Variants in BCAR3 observed in about 807,000 individuals in gnomAD.
The protein encoded by BCAR3 is breast cancer anti-estrogen resistance protein 3.
In BCAR3, 37 loss-of-function variants were observed where a neutral mutation model predicts 80.1. That is an observed-to-expected ratio of 0.46 (90% confidence interval 0.36 to 0.61). The LOEUF (loss-of-function observed/expected upper bound fraction) is 0.61, where lower values mean the gene tolerates loss of function less well. Among genes scored for constraint, BCAR3 ranks in the 20% least tolerant of loss-of-function variants. The probability of loss-of-function intolerance (pLI) is 0.00; values close to 1 mark genes in which losing one functional copy is unlikely to be tolerated. For synonymous variants in BCAR3, 389 were observed against 418.9 expected (o/e 0.93, Z 0.87); for missense variants, 978 against 1,068.2 (o/e 0.92, Z 1.18).
At chr1:93,748,001 C>G (rs1393839995) in intron 2 of BCAR3, among the ~76,000 whole-genome samples, 1 of 151,776 alleles carries the variant, frequency 6.6e-6, no homozygotes, top group Non-Finnish European at 1.5e-5. Flanking sequence ...TTGGAAGGCC[C>G]TCACCTTTAG....
chr1:93,797,968 G>A (rs565484587), intron 2 of BCAR3, among the ~76,000 whole-genome samples: 91 of 152,278 alleles, frequency 6.0e-4, no homozygotes, highest in African/African-American at 2.1e-3. Flanking sequence ...TGAAAGGGCC[G>A]GTGGGCAAAG....
chr1:93,582,849 G>T lies in BCAR3; in HGVS notation c.1138C>A (p.Arg380=). 1 of 1,613,106 alleles carries T rather than the reference G, an allele frequency of 6.2e-7. No homozygotes were observed. The change falls in exon 7 of 12, where the codon CGG becomes AGG. Residue 380 remains arginine (R), a synonymous_variant. Transcript: ENST00000260502. ...SEPALSPAVV[R]RVSSDARAGE... is the part of the protein sequence containing the mutation. Reference sequence around the variant, plus strand: ...GCCCTGGCGTCTGAGGAGACCCTCCGAACCACTGCTGGGCTCAGGGCAGGC... The same window carrying T: ...GCCCTGGCGTCTGAGGAGACCCTCCTAACCACTGCTGGGCTCAGGGCAGGC...
chr1:93,807,702 G>A (rs1471230817), intron 2 of BCAR3, among the ~76,000 whole-genome samples: 1 of 152,154 alleles, frequency 6.6e-6, no homozygotes, highest in Non-Finnish European at 1.5e-5. Flanking sequence ...TAGGGAAGGA[G>A]TCTTAAGACA....
intron 3 of BCAR3, among the ~76,000 whole-genome samples, chr1:93,627,471 T>A (rs1675486467): frequency 1.3e-5 from 2 of 152,206 alleles, no homozygotes; most frequent in Non-Finnish European, 2.9e-5. Context: ...CTGAACTGCA[T>A]ACCTGTGCAG....
chr1:93,585,920 A>G (rs770290020), intron 5 of BCAR3, among the ~76,000 whole-genome samples: 1 of 152,104 alleles, frequency 6.6e-6, no homozygotes, highest in Non-Finnish European at 1.5e-5. Context: ...TATATTTAAA[A>G]AATTTTGTGC....
intron 2 of BCAR3, among the ~76,000 whole-genome samples, chr1:93,671,944 T>C (rs1473439045): frequency 2.0e-5 from 3 of 152,228 alleles, no homozygotes; most frequent in Non-Finnish European, 4.4e-5. Flanking sequence ...GGTAGGACTT[T>C]ACGACCCTTT....
At chr1:93,662,650 G>T (rs370826811) in intron 2 of BCAR3, among the ~76,000 whole-genome samples, 123 of 152,034 alleles carry the variant, frequency 8.1e-4, no homozygotes, top group African/African-American at 2.9e-3. Flanking sequence ...CTCACCCCAC[G>T]GATAGCACCA....
chr1:93,700,706 G>A (rs534806218), intron 3 of BCAR3, among the ~76,000 whole-genome samples: 2 of 152,188 alleles, frequency 1.3e-5, no homozygotes, highest in Non-Finnish European at 2.9e-5. Flanking sequence ...CTGCAAGGCC[G>A]GCAAATATTT....
At chr1:93,711,757 T>G (rs1398737235) in intron 2 of BCAR3, among the ~76,000 whole-genome samples, 1 of 152,208 alleles carries the variant, frequency 6.6e-6, no homozygotes, top group Non-Finnish European at 1.5e-5. Context: ...ACATTTTACC[T>G]TTAGTTGTCC....
chr1:93,694,174 G>A (rs1263780027), intron 3 of BCAR3, among the ~76,000 whole-genome samples: 3 of 152,172 alleles, frequency 2.0e-5, no homozygotes, highest in African/African-American at 4.8e-5. Context: ...TGGAACTTCC[G>A]GTAAGGGATG....
intron 3 of BCAR3, among the ~76,000 whole-genome samples, chr1:93,705,349 C>T (rs74786123): frequency 0.033 from 5,025 of 152,108 alleles, 262 homozygotes; most frequent in African/African-American, 0.11. Context: ...CTTGTAAATG[C>T]GGAAATAAAG....
At chr1:93,588,368 G>C (rs1044114229) in intron 5 of BCAR3, among the ~76,000 whole-genome samples, 18 of 152,024 alleles carry the variant, frequency 1.2e-4, no homozygotes, top group African/African-American at 3.9e-4. Context: ...TGCAGCCGGG[G>C]CCCTCCATGA....
chr1:93,830,454 T>C (rs1654520258), intron 2 of BCAR3, among the ~76,000 whole-genome samples: 1 of 152,126 alleles, frequency 6.6e-6, no homozygotes, highest in Non-Finnish European at 1.5e-5. Flanking sequence ...ATTCCACCAT[T>C]GTGATTTGTT....
Position 93,811,244 on chromosome 1 carries a change from G to A in BCAR3, c.-63+34323C>T, listed in dbSNP as rs150043790. Among the ~76,000 whole-genome samples the A allele has an allele frequency of 2.7e-4, 41 of 152,144 alleles. 3 individuals are homozygous for A. The highest frequency in any genetic ancestry group is 1.3e-3 in the Admixed American group (20 of 15,288). On this transcript the variant is annotated intron_variant, in intron 2 of 13. Transcript: ENST00000370244. ...TGAAGGTGTGGGACATCCCTCAGAC[G>A]TGAGAGGATAGTTTCTATGGGACAG...
chr1:93,822,585 C>T (rs1387500298), intron 2 of BCAR3, among the ~76,000 whole-genome samples: 2 of 152,030 alleles, frequency 1.3e-5, no homozygotes, highest in Non-Finnish European at 2.9e-5. Flanking sequence ...GTAATCTGCC[C>T]GCCTCGGCCT....
rs61372707 is a variant in BCAR3, at chr1:93,605,148, G to A, written c.358-12755C>T. ...TGATGACTTCCTGGAGCAGCCCACA[G>A]AGGACCAGACATCCAAATCACCCCA... On this transcript the variant is annotated intron_variant, in intron 3 of 11. Transcript: ENST00000260502. Among the ~76,000 whole-genome samples, 1,267 of 152,296 alleles carry A rather than the reference G, an allele frequency of 8.3e-3. 19 individuals carry two copies. Among genetic ancestry groups the A allele is most frequent in the African/African-American group, 0.029 (1,204 of 41,560 alleles).
chr1:93,665,325 A>T (rs1647849447), intron 2 of BCAR3, among the ~76,000 whole-genome samples: 1 of 152,186 alleles, frequency 6.6e-6, no homozygotes, highest in Non-Finnish European at 1.5e-5. Context: ...TGCCTTATTT[A>T]AAAAAATCAA....
chr1:93,689,639 G>C (rs1649101647), intron 3 of BCAR3, among the ~76,000 whole-genome samples: 1 of 152,034 alleles, frequency 6.6e-6, no homozygotes, highest in African/African-American at 2.4e-5. Context: ...TTATGGAAAT[G>C]AAGAGAGAGG....
chr1:93,778,096 G>A (rs1217192939), intron 2 of BCAR3, among the ~76,000 whole-genome samples: 1 of 152,110 alleles, frequency 6.6e-6, no homozygotes, highest in Non-Finnish European at 1.5e-5. Context: ...TCACTATCTG[G>A]TATATCATGG....
Sources: gnomAD v4.1 joint callset for allele counts (sites outside exome capture counted in the v4.1 genomes callset) on GRCh38, gnomAD v4.1.1 for gene constraint, MANE v1.5 for transcripts, NCBI Gene and HGNC (gene_info 2026-07-23, HGNC 2026-07-21) for gene names.